AVL9: variants seen among roughly 807,000 people sequenced by gnomAD.
AVL9 encodes late secretory pathway protein AVL9 homolog.
In AVL9, 49 loss-of-function variants were observed where a neutral mutation model predicts 79.2. The observed-to-expected ratio is 0.62, with a 90% CI of 0.49 to 0.79. The LOEUF (loss-of-function observed/expected upper bound fraction) is 0.79, where lower values mean the gene tolerates loss of function less well. Among genes scored for constraint, AVL9 ranks in the 30% least tolerant of loss-of-function variants. The pLI is 0.00. For synonymous variants in AVL9, 299 were observed against 280.6 expected (o/e 1.07, Z -0.65); for missense variants, 682 against 776.8 (o/e 0.88, Z 1.45).
intron 13 of AVL9, among the ~76,000 whole-genome samples, chr7:32,579,509 ATATT>A (rs1791340568): frequency 5.9e-4 from 6 of 10,240 alleles, no homozygotes; most frequent in East Asian, 7.6e-3. Flanking sequence ...TATATATTAT[ATATT>A]ATATTATATA....
chr7:32,511,453 C>T (rs1453635704), intron 1 of AVL9, among the ~76,000 whole-genome samples: 2 of 152,050 alleles, frequency 1.3e-5, no homozygotes, highest in African/African-American at 4.8e-5. Context: ...AAATTCTGAA[C>T]TGCCCCAGTA....
chr7:32,583,825 A>C lies in AVL9; in HGVS notation c.1865A>C (p.Lys622Thr), dbSNP rs767626596. ...GTTGGAGGAGCTTTTTCCAGTGCAAAGACAGCTATGTCTTCATGGCTTTCC... is the reference window on the plus strand; with the variant it reads ...GTTGGAGGAGCTTTTTCCAGTGCAACGACAGCTATGTCTTCATGGCTTTCC... ...QSVGGAFSSA[K>T]TAMSSWLSTF... Residue 622 changes from lysine (K) to threonine (T), a missense_variant, in exon 16 of 16, where the codon AAG becomes ACG. Physicochemically the swap from Lys to Thr is moderately conservative, Grantham distance 78. Coordinates refer to ENST00000318709, the MANE Select transcript of AVL9 (RefSeq NM_015060.3). 2 of 1,613,998 alleles carry C rather than the reference A, an allele frequency of 1.2e-6. No homozygotes were observed. Among genetic ancestry groups the C allele is most frequent in the Non-Finnish European group, 8.5e-7 (1 of 1,179,938 alleles).
At chr7:32,575,676 G>C (rs1791062227) in intron 12 of AVL9, among the ~76,000 whole-genome samples, 1 of 152,134 alleles carries the variant, frequency 6.6e-6, no homozygotes. Context: ...AAATATTTTG[G>C]AGTTGTAAGG....
intron 3 of AVL9, among the ~76,000 whole-genome samples, chr7:32,548,144 C>CTCTTTTTTTTT (rs1227025763): frequency 8.7e-5 from 5 of 57,594 alleles, no homozygotes; most frequent in African/African-American, 2.7e-4. Context: ...TTTGTCATCT[C>CTCTTTTTTTTT]TTTTTTCTTT....
At chr7:32,563,911 C>T (rs1790439696) in intron 10 of AVL9, among the ~76,000 whole-genome samples, 1 of 152,126 alleles carries the variant, frequency 6.6e-6, no homozygotes, top group Non-Finnish European at 1.5e-5. Flanking sequence ...TTTCTTAAAA[C>T]TGGAATTTAA....
chr7:32,565,717 A>G (rs1005445189), intron 10 of AVL9, among the ~76,000 whole-genome samples: 4 of 151,388 alleles, frequency 2.6e-5, no homozygotes, highest in African/African-American at 7.3e-5. Flanking sequence ...AAGTCAAAAA[A>G]TTAGCTGGAG....
chr7:32,498,293 G>T (rs867843749), intron 1 of AVL9, among the ~76,000 whole-genome samples: 48 of 141,760 alleles, frequency 3.4e-4, no homozygotes, highest in African/African-American at 1.3e-3. Context: ...ACCCAGGCTG[G>T]AGTTCAGTGC....
rs1180491074 is a variant in AVL9 at position 32,587,370 on chromosome 7, G to A, written c.*3463G>A. 2 of 152,190 alleles carry A rather than the reference G, an allele frequency of 1.3e-5. No individual in the cohort carries two copies. The highest frequency in any genetic ancestry group is 4.8e-5 in the African/African-American group (2 of 41,450). The allele number at this position is 152,190 out of a possible 1,614,324, so 9.4% of individuals were successfully genotyped here. On this transcript the variant is annotated 3_prime_UTR_variant, in exon 16 of 16. Transcript: ENST00000318709. ...CGCTACGGCATTATCACCCTGGCAG[G>A]TAGGTTTTGTTATTGTTTTACATTT...
chr7:32,582,545 A>G (rs1410390675), intron 15 of AVL9, among the ~76,000 whole-genome samples: 1 of 152,216 alleles, frequency 6.6e-6, no homozygotes, highest in Non-Finnish European at 1.5e-5. Context: ...TATATTATAG[A>G]TTATTATAGA....
chr7:32,527,045 ATCACAG>A (rs560495027), intron 1 of AVL9, among the ~76,000 whole-genome samples: 1,824 of 152,234 alleles, frequency 0.012, 42 homozygotes, highest in African/African-American at 0.04. Flanking sequence ...GCCAAGGACT[ATCACAG>A]GAGAAGTGGG....
rs572281070 is a variant in AVL9, at chr7:32,572,530, T to C, written c.1351-669T>C. Among the ~76,000 whole-genome samples, 42 of 150,314 alleles carry C rather than the reference T, an allele frequency of 2.8e-4. 3 individuals are homozygous for C. Among genetic ancestry groups the C allele is most frequent in the African/African-American group, 4.5e-4 (18 of 39,906 alleles). On this transcript the variant is annotated intron_variant, in intron 11 of 15. Coordinates refer to ENST00000318709, the MANE Select transcript of AVL9 (RefSeq NM_015060.3). ...ATATTCTAAAGTATCTGGCCGGGCA[T>C]GGTGGCTCACGCCTGTAATCCCAGC...
At chr7:32,498,962 G>A (rs13220976) in intron 1 of AVL9, among the ~76,000 whole-genome samples, 39,319 of 39,332 alleles carry the variant, frequency 1, 19,653 homozygotes, top group Middle Eastern at 1. Flanking sequence ...TGAGGAGTTC[G>A]AAACCAGCCT....
At chr7:32,579,576 ATATATTATATATTATATATTATATAT>A (rs1296229771) in intron 13 of AVL9, among the ~76,000 whole-genome samples, 208 of 1,138 alleles carry the variant, frequency 0.18, 77 homozygotes, top group African/African-American at 0.46. Context: ...ATATTATATT[ATATATTATATATTATATATTATATAT>A]TATATTATAT....
At chr7:32,575,077 CTTT>C (rs961083866) in intron 12 of AVL9, among the ~76,000 whole-genome samples, 3 of 135,162 alleles carry the variant, frequency 2.2e-5, no homozygotes, top group Admixed American at 7.9e-5. Flanking sequence ...TCAGTATATT[CTTT>C]TAAGACTTTT....
rs1439209858 is a variant in AVL9 at position 32,568,934 on chromosome 7, C to T, written c.1216-1086C>T. Among the ~76,000 whole-genome samples the T allele has an allele frequency of 3.3e-5, 5 of 152,114 alleles. No homozygotes were observed. In the East Asian group the frequency reaches 9.6e-4, roughly 29 times the overall value. On this transcript the variant is annotated intron_variant, in intron 10 of 15. Coordinates refer to ENST00000318709, the MANE Select transcript of AVL9 (RefSeq NM_015060.3). ...CTGATCAAGCAACAAAAGACATTTT[C>T]AAGAGTAAGAATATAACCAAATTAC...
At chr7:32,498,035 A>T (rs1327468031) in intron 1 of AVL9, among the ~76,000 whole-genome samples, 1 of 152,170 alleles carries the variant, frequency 6.6e-6, no homozygotes. Flanking sequence ...TTTAAATAGA[A>T]GTGACTGAAG....
In AVL9 at chr7:32,495,764, A is replaced by T. The variant is rs766831678; in HGVS notation, c.55A>T (p.Ile19Phe). The change falls in exon 1 of 16, where the codon ATC (isoleucine) becomes TTC (phenylalanine). Residue 19 changes from isoleucine (I) to phenylalanine (F), a missense_variant. Physicochemically the swap from Ile to Phe is conservative, Grantham distance 21. Transcript: ENST00000318709. ...DGVPRGPVLHIVVVGFHHKKG... is the reference protein window; with the variant it reads ...DGVPRGPVLHFVVVGFHHKKG... ...CGTCCCCCGGGGGCCCGTACTGCAC[A>T]TCGTGGTGGTCGGATTTCACCACAA... is the stretch of plus-strand genomic sequence containing the variant. 2 of 1,260,014 alleles carry T rather than the reference A, an allele frequency of 1.6e-6. No individual in the cohort carries two copies. Among genetic ancestry groups the T allele is most frequent in the Non-Finnish European group, 1.0e-6 (1 of 992,278 alleles). 78.1% of individuals were successfully genotyped at this position (1,260,014 alleles called of 1,614,324 possible).
intron 8 of AVL9, among the ~76,000 whole-genome samples, chr7:32,555,802 C>T (rs530897586): frequency 6.6e-6 from 1 of 152,274 alleles, no homozygotes; most frequent in South Asian, 2.1e-4. Flanking sequence ...GTTGGGGAGT[C>T]GACCATGCAC....
intron 1 of AVL9, among the ~76,000 whole-genome samples, chr7:32,521,221 C>T (rs1403057759): frequency 6.6e-6 from 1 of 152,102 alleles, no homozygotes; most frequent in Non-Finnish European, 1.5e-5. Flanking sequence ...AATGTGGAAG[C>T]GACTTTGGAA....
Sources: gnomAD v4.1 joint callset for allele counts (sites outside exome capture counted in the v4.1 genomes callset) on GRCh38, gnomAD v4.1.1 for gene constraint, MANE v1.5 for transcripts, NCBI Gene and HGNC (gene_info 2026-07-23, HGNC 2026-07-21) for gene names.